Variants in VEGFC observed in about 807,000 individuals in gnomAD.
VEGFC encodes the protein FLT4 ligand DHM.
VEGFC carries 12 observed loss-of-function variants against 46.1 expected under a neutral mutation model. The ratio of observed to expected loss-of-function variants is 0.26; its 90% CI spans 0.17 to 0.42. VEGFC has a LOEUF of 0.42. Ranked by LOEUF, VEGFC falls within the 10% of genes least tolerant of loss-of-function variation. The pLI is 1.00. For synonymous variants in VEGFC, 232 were observed against 195.5 expected, an observed-to-expected ratio of 1.19 and a Z score of -1.56; for missense variants, 488 against 529.4, an observed-to-expected ratio of 0.92 and a Z score of 0.77.
At chr4:176,696,341 C>T (rs1410969784) in intron 4 of VEGFC, among the ~76,000 whole-genome samples, 1 of 151,642 alleles carries the variant, frequency 6.6e-6, no homozygotes, top group South Asian at 2.1e-4. Flanking sequence ...ACACCAACAA[C>T]AGACAAACAG....
intron 3 of VEGFC, among the ~76,000 whole-genome samples, chr4:176,720,059 CAA>C (rs879421107): frequency 7.5e-6 from 1 of 133,604 alleles, no homozygotes; most frequent in Non-Finnish European, 1.6e-5. Flanking sequence ...GACTCCGTTT[CAA>C]AAAAAAAAAA....
intron 1 of VEGFC, among the ~76,000 whole-genome samples, chr4:176,786,162 C>T (rs1735999687): frequency 6.6e-6 from 1 of 152,174 alleles, no homozygotes; most frequent in African/African-American, 2.4e-5. Context: ...TTCTTAGACA[C>T]TTCTGTGCAA....
intron 1 of VEGFC, among the ~76,000 whole-genome samples, chr4:176,739,598 G>A (rs145849808): frequency 6.6e-6 from 1 of 151,810 alleles, no homozygotes; most frequent in Admixed American, 6.6e-5. Flanking sequence ...GTTGTGGGGG[G>A]AGCGTATGAG....
chr4:176,725,060 G>T (rs951071171), intron 3 of VEGFC, among the ~76,000 whole-genome samples: 7 of 152,094 alleles, frequency 4.6e-5, no homozygotes, highest in African/African-American at 1.7e-4. Flanking sequence ...AAAGCTGCAA[G>T]AGAAGTACTG....
At chr4:176,731,716 G>T (rs1204173611) in intron 1 of VEGFC, among the ~76,000 whole-genome samples, 1 of 151,934 alleles carries the variant, frequency 6.6e-6, no homozygotes, top group Non-Finnish European at 1.5e-5. Context: ...TGCATGTTCA[G>T]CCTAGCAAGA....
intron 4 of VEGFC, among the ~76,000 whole-genome samples, chr4:176,690,428 G>A (rs9654286): frequency 7.3e-5 from 11 of 151,164 alleles, no homozygotes; most frequent in South Asian, 4.2e-4. Context: ...GATAGCATCC[G>A]TTACACATTA....
At chr4:176,694,658 C>G (rs1734274507) in intron 4 of VEGFC, among the ~76,000 whole-genome samples, 1 of 150,720 alleles carries the variant, frequency 6.6e-6, no homozygotes, top group Non-Finnish European at 1.5e-5. Flanking sequence ...CTCTCCACCC[C>G]AAATCAATGG....
intron 1 of VEGFC, among the ~76,000 whole-genome samples, chr4:176,760,596 T>C (rs866455567): frequency 3.9e-5 from 6 of 152,156 alleles, no homozygotes; most frequent in Non-Finnish European, 8.8e-5. Context: ...CAGCAAGCTT[T>C]TTCTCTTTCC....
intron 4 of VEGFC, among the ~76,000 whole-genome samples, chr4:176,693,125 G>C (rs1219979635): frequency 6.6e-6 from 1 of 152,130 alleles, no homozygotes; most frequent in East Asian, 1.9e-4. Flanking sequence ...AAGCTGGATG[G>C]AGAATAACTT....
rs1352808075 is a variant in VEGFC, at chr4:176,729,740, C to A, written c.154G>T (p.Ala52Ser). ...EPDAGEATAY[A>S]SKDLEEQLRS... ...AACTGCTCCTCCAGATCTTTGCTTG[C>A]ATAAGCCTGTCAAAGAAAAATGCAA... The change falls in exon 2 of 7, where the codon GCA becomes TCA. Residue 52 changes from alanine to serine, a missense_variant. Transcript: ENST00000618562. 1 of 1,573,410 alleles carries A rather than the reference C, an allele frequency of 6.4e-7. No individual in the cohort carries two copies. The highest frequency in any genetic ancestry group is 8.6e-7 in the Non-Finnish European group (1 of 1,160,820).
In VEGFC at chr4:176,704,655, G is replaced by A. The variant is rs111438630; in HGVS notation, c.704+6844C>T. Among the ~76,000 whole-genome samples the A allele has an allele frequency of 5.9e-5, 9 of 151,854 alleles. 1 individual carries two copies. The highest frequency in any genetic ancestry group is 2.1e-4 in the South Asian group (1 of 4,810). On this transcript the variant is annotated intron_variant, in intron 4 of 6. Coordinates refer to ENST00000618562, the MANE Select transcript of VEGFC (RefSeq NM_005429.5). Reference sequence around the variant, plus strand: ...TTACTCCCGAATTTTTCCACCTCCCGTTTTGCTTCCTCTAATCCACACACT... The same window carrying A: ...TTACTCCCGAATTTTTCCACCTCCCATTTTGCTTCCTCTAATCCACACACT...
intron 4 of VEGFC, among the ~76,000 whole-genome samples, chr4:176,706,495 C>A (rs971279867): frequency 6.6e-6 from 1 of 151,380 alleles, no homozygotes; most frequent in Admixed American, 6.6e-5. Context: ...GGCATGGTGG[C>A]GGGCAACTGT....
At chr4:176,740,488 G>A (rs1337980762) in intron 1 of VEGFC, among the ~76,000 whole-genome samples, 1 of 103,020 alleles carries the variant, frequency 9.7e-6, no homozygotes, top group Non-Finnish European at 2.1e-5. Flanking sequence ...TATATATAGA[G>A]AGTATATATA....
intron 1 of VEGFC, among the ~76,000 whole-genome samples, chr4:176,767,123 T>TAAAAAAAA (rs70964805): frequency 1.8e-3 from 91 of 50,414 alleles, no homozygotes; most frequent in South Asian, 4.6e-3. Context: ...TGTAGAAATC[T>TAAAAAAAA]AAAAAAAAAA....
chr4:176,718,928 A>G (rs532405931), intron 3 of VEGFC, among the ~76,000 whole-genome samples: 11 of 152,324 alleles, frequency 7.2e-5, no homozygotes, highest in African/African-American at 2.6e-4. Context: ...TCTCTTAAAC[A>G]TACAACTTCT....
rs190440432 is a variant in VEGFC at position 176,733,716 on chromosome 4, A to G, written c.148-3970T>C. On this transcript the variant is annotated intron_variant, in intron 1 of 6. Coordinates refer to ENST00000618562, the MANE Select transcript of VEGFC (RefSeq NM_005429.5). ...AACTCTAGTTGTCAAAACTCGCTAT[A>G]AACAGTAAATTTCTCCATATGTAAT... Among the ~76,000 whole-genome samples the G allele has an allele frequency of 1.5e-3, 229 of 151,952 alleles. 1 individual carries two copies. Among genetic ancestry groups the G allele is most frequent in the Middle Eastern group, 6.8e-3 (2 of 294 alleles).
At chr4:176,728,815 C>T (rs1252510562) in intron 2 of VEGFC, among the ~76,000 whole-genome samples, 1 of 152,210 alleles carries the variant, frequency 6.6e-6, no homozygotes, top group Admixed American at 6.5e-5. Flanking sequence ...ACTTTTATAG[C>T]GATTAAGAGC....
At chr4:176,762,373 G>A (rs369595517) in intron 1 of VEGFC, among the ~76,000 whole-genome samples, 9 of 152,180 alleles carry the variant, frequency 5.9e-5, no homozygotes, top group Admixed American at 2.0e-4. Flanking sequence ...TCTTCTGTCC[G>A]TCTGCCATGT....
intron 4 of VEGFC, among the ~76,000 whole-genome samples, chr4:176,691,351 G>A (rs1470028350): frequency 1.3e-5 from 2 of 152,100 alleles, no homozygotes; most frequent in Non-Finnish European, 2.9e-5. Context: ...AAAAGACATT[G>A]ATTCAAAGAC....
Sources: allele counts gnomAD v4.1 joint callset (sites outside exome capture counted in the v4.1 genomes callset), GRCh38; gene constraint gnomAD v4.1.1; transcripts MANE v1.5; gene names NCBI Gene and HGNC (gene_info 2026-07-23, HGNC 2026-07-21).